Variants in UBL7 observed in about 807,000 individuals in gnomAD.
The protein encoded by UBL7 is ubiquitin-like protein 7.
UBL7 carries 21 observed loss-of-function variants against 41.7 expected under a neutral mutation model. The ratio of observed to expected loss-of-function variants is 0.50; its 90% CI spans 0.36 to 0.73. The LOEUF (loss-of-function observed/expected upper bound fraction) is 0.73, where lower values mean the gene tolerates loss of function less well. UBL7 is among the 30% of genes least tolerant of loss of function. The pLI, the probability that UBL7 is intolerant of heterozygous loss-of-function variation, is 0.00. For missense variants in UBL7, 403 were observed against 478.4 expected (o/e 0.84, Z 1.47); for synonymous variants, 157 against 186.9 (o/e 0.84, Z 1.31).
Position 74,446,702 on chromosome 15 carries a change from T to C in UBL7, c.1006-475A>G, listed in dbSNP as rs2141307232. Among the ~76,000 whole-genome samples the C allele has an allele frequency of 6.6e-6, 1 of 152,330 alleles. No individual in the cohort carries two copies. ...ATTTTTGTGGTATATAGTAGGTATA[T>C]CTATTTGTGGACTGTAAGAGATGTT... On this transcript the variant is annotated intron_variant, in intron 10 of 10. Transcript: ENST00000395081. The surrounding 1 kb of genome is among the most constrained non-coding windows in gnomAD (Gnocchi z 4.1).
chr15:74,453,408 T>A (rs1167075334), intron 3 of UBL7, among the ~76,000 whole-genome samples: 1 of 151,838 alleles, frequency 6.6e-6, no homozygotes, highest in Non-Finnish European at 1.5e-5. Flanking sequence ...GGATCCCAGC[T>A]AGGGTACCAG....
At chr15:74,455,758 G>A (rs2061287752) in intron 3 of UBL7, among the ~76,000 whole-genome samples, 2 of 152,190 alleles carry the variant, frequency 1.3e-5, no homozygotes, top group African/African-American at 4.8e-5. Context: ...GGCTGAGGTG[G>A]GGTGGATGGC....
At chr15:74,450,952 G>A in intron 5 of UBL7, 93 bp from the exon 6 acceptor site, 1 of 1,325,850 alleles carries the variant, frequency 7.5e-7, no homozygotes, top group Non-Finnish European at 1.1e-6. Context: ...CAGCTCAACA[G>A]GGACACAGGA....
In UBL7 at chr15:74,449,323, G is replaced by T. The variant is rs2061217915; in HGVS notation, c.745C>A (p.Pro249Thr). Residue 249 changes from proline to threonine, a missense_variant, in exon 9 of 11, where the codon CCC becomes ACC. Coordinates refer to ENST00000395081, the MANE Select transcript of UBL7 (RefSeq NM_032907.5). ...NTRSTPSSST[P>T]SSRPASLGYS... ...CCCAGGGAGGCTGGGCGGGAGCTGG[G>T]AGTACTGCTAGAGGGTGTGGACCTG... is the stretch of plus-strand genomic sequence containing the variant. 1 of 1,613,984 alleles carries T rather than the reference G, an allele frequency of 6.2e-7. No homozygotes were observed. The highest frequency in any genetic ancestry group is 1.3e-5 in the African/African-American group (1 of 74,936).
intron 10 of UBL7, among the ~76,000 whole-genome samples, chr15:74,447,084 G>C (rs1364842964): frequency 2.0e-5 from 3 of 152,180 alleles, no homozygotes; most frequent in Non-Finnish European, 1.5e-5. Context: ...TTCTGAGCTA[G>C]GGAATAAAGT....
chr15:74,460,757 A>G, intron 1 of UBL7: 3 of 1,283,206 alleles, frequency 2.3e-6, no homozygotes, highest in Non-Finnish European at 3.0e-6. Context: ...TATAGTCATC[A>G]TTATTGCTTC....
intron 1 of UBL7, among the ~76,000 whole-genome samples, chr15:74,460,007 C>T (rs187758636): frequency 4.3e-3 from 647 of 149,474 alleles, no homozygotes; most frequent in Non-Finnish European, 7.2e-3. Context: ...TTTGGGAGGC[C>T]GCGGAGGACG....
At position 74,446,281 on chromosome 15, in the gene UBL7, C is replaced by G. The variant is rs1596209765; in HGVS notation, c.1006-54G>C. ...TGTTAGCTGGGATCCAGTGAAGACT[C>G]ACTTAGGTCTGTGCTTTCCGGGGAA... On this transcript the variant is annotated intron_variant, in intron 10 of 10. Transcript: ENST00000395081. The surrounding 1 kb of genome is among the most constrained non-coding windows in gnomAD (Gnocchi z 4.1). 6.2e-7 allele frequency: 1 copy of G among 1,604,298 alleles called. No individual in the cohort carries two copies. Among genetic ancestry groups the G allele is most frequent in the East Asian group, 2.2e-5 (1 of 44,754 alleles).
chr15:74,453,698 G>A (rs939437693), intron 3 of UBL7, among the ~76,000 whole-genome samples: 2 of 152,192 alleles, frequency 1.3e-5, no homozygotes, highest in African/African-American at 2.4e-5. Context: ...TTTGTAACCC[G>A]CCATGGAGGA....
intron 2 of UBL7, among the ~76,000 whole-genome samples, 183 bp from the exon 3 acceptor site, chr15:74,456,854 G>T (rs144137544): frequency 6.6e-6 from 1 of 151,758 alleles, no homozygotes; most frequent in East Asian, 1.9e-4. Context: ...CTGTTGCCCA[G>T]GCTTGAGTGC....
chr15:74,457,128 AC>A (rs1297552876), intron 2 of UBL7, among the ~76,000 whole-genome samples: 1 of 152,216 alleles, frequency 6.6e-6, no homozygotes, highest in African/African-American at 2.4e-5. Context: ...ATACATTTCA[AC>A]AACTATTTGC....
At chr15:74,457,518 G>A (rs1199909762) in intron 2 of UBL7, among the ~76,000 whole-genome samples, 1 of 151,890 alleles carries the variant, frequency 6.6e-6, no homozygotes, top group African/African-American at 2.4e-5. Flanking sequence ...ACTCCAGCCT[G>A]GGCAACAGAG....
chr15:74,449,553 C>G, intron 8 of UBL7, 73 bp downstream of exon 8: 1 of 1,610,426 alleles, frequency 6.2e-7, no homozygotes, highest in Middle Eastern at 1.7e-4. Flanking sequence ...GTGCCAGGTC[C>G]CAGGATGCAG....
In UBL7 at chr15:74,461,152, A is replaced by G. The variant is rs2061346520; in HGVS notation, c.-145T>C. ...CGGCCGCACTGCCGCCGGTGTAAAC[A>G]CTCACTCTGGCCCTCTCGCCGGAAA... On this transcript the variant is annotated 5_prime_UTR_variant, in exon 1 of 11. Coordinates refer to ENST00000395081, the MANE Select transcript of UBL7 (RefSeq NM_032907.5). 1.0e-6 allele frequency: 1 copy of G among 995,036 alleles called. No homozygotes were observed. The highest frequency in any genetic ancestry group is 4.2e-5 in the South Asian group (1 of 23,648). The allele number at this position is 995,036 out of a possible 1,614,324, so 61.6% of individuals were successfully genotyped here.
Position 74,446,159 on chromosome 15 carries a change from C to T in UBL7, c.1074G>A (p.Arg358=), listed in dbSNP as rs746988328. The T allele has an allele frequency of 1.9e-6, 3 of 1,614,050 alleles. No individual in the cohort carries two copies. The highest frequency in any genetic ancestry group is 1.1e-5 in the South Asian group (1 of 91,080). Residue 358 remains arginine (R), a synonymous_variant, in exon 11 of 11, where the codon CGG becomes CGA. Coordinates refer to ENST00000395081, the MANE Select transcript of UBL7 (RefSeq NM_032907.5). The surrounding 1 kb of genome is among the most constrained non-coding windows in gnomAD (Gnocchi z 4.1). The part of the protein sequence containing the change: ...MGIQDDELSL[R]ALQATGGDIQ... ...TGTCCCCACCGGTGGCCTGCAGGGC[C>T]CGCAGGCTCAGCTCATCGTCCTGGA...
chr15:74,456,724 G>C, intron 2 of UBL7, 53 bp from the exon 3 acceptor site: 1 of 1,582,086 alleles, frequency 6.3e-7, no homozygotes, highest in South Asian at 1.1e-5. Context: ...AATTTACATG[G>C]TTTTTGTCCC....
Position 74,458,705 on chromosome 15 carries a change from C to T in UBL7, c.163G>A (p.Val55Ile). 2 of 1,614,036 alleles carry T rather than the reference C, an allele frequency of 1.2e-6. No homozygotes were observed. The highest frequency in any genetic ancestry group is 1.7e-6 in the Non-Finnish European group (2 of 1,179,998). Residue 55 changes from valine to isoleucine, a missense_variant, in exon 2 of 11, where the codon GTT becomes ATT. Coordinates refer to ENST00000395081, the MANE Select transcript of UBL7 (RefSeq NM_032907.5). ...TCACCAATCAGCTCAGGGTCTGGAACAGACTCCTGGAGTTTGCCAGCAATA... is the reference window on the plus strand; with the variant it reads ...TCACCAATCAGCTCAGGGTCTGGAATAGACTCCTGGAGTTTGCCAGCAATA... ...QLIAGKLQES[V>I]PDPELIDLIY...
intron 4 of UBL7, 94 bp downstream of exon 4, chr15:74,452,202 G>GC (rs1286068236): frequency 2.2e-6 from 3 of 1,338,902 alleles, no homozygotes; most frequent in Non-Finnish European, 3.1e-6. Flanking sequence ...GGTTGCCATG[G>GC]CAACGGGCTT....
At chr15:74,449,874 A>C (rs1478895509) in intron 7 of UBL7, 62 bp downstream of exon 7, 2 of 1,567,568 alleles carry the variant, frequency 1.3e-6, no homozygotes, top group East Asian at 4.6e-5. Flanking sequence ...TGCTGAGTAA[A>C]GCAAATTCCT....
Sources: gnomAD v4.1 joint callset for allele counts (sites outside exome capture counted in the v4.1 genomes callset) on GRCh38, gnomAD v4.1.1 for gene constraint, Gnocchi (gnomAD v3.1) non-coding constraint, MANE v1.5 for transcripts, NCBI Gene and HGNC (gene_info 2026-07-23, HGNC 2026-07-21) for gene names.